The following RFPL2 variants were observed in gnomAD, a reference collection of about 807,000 sequenced individuals.
The protein encoded by RFPL2 is ret finger protein-like 2.
In RFPL2, 13 loss-of-function variants were observed where a neutral mutation model predicts 17.8. The observed-to-expected ratio is 0.73, with a 90% confidence interval of 0.47 to 1.16. RFPL2 has a LOEUF of 1.16. RFPL2 is among the 50% of genes most tolerant of loss of function. The pLI is 0.00. For missense variants in RFPL2, 431 were observed against 479.3 expected (o/e 0.90, Z 0.94); for synonymous variants, 189 against 180.9 (o/e 1.04, Z -0.36).
At chr22:32,202,172 T>TC (rs1923983371) in intron 2 of RFPL2, among the ~76,000 whole-genome samples, 161 bp downstream of exon 2, 1 of 151,874 alleles carries the variant, frequency 6.6e-6, no homozygotes, top group Non-Finnish European at 1.5e-5. Flanking sequence ...TGATCTTCTC[T>TC]CCCCCCACTT....
At chr22:32,191,550 A>T (rs1922656364) in intron 4 of RFPL2, among the ~76,000 whole-genome samples, 198 bp from the exon 5 acceptor site, 4 of 152,184 alleles carry the variant, frequency 2.6e-5, no homozygotes, top group Admixed American at 2.6e-4. Context: ...CCTGACCCTT[A>T]TTCACAGTAG....
intron 2 of RFPL2, among the ~76,000 whole-genome samples, chr22:32,197,554 CCT>C (rs1490048037): frequency 6.6e-6 from 1 of 152,140 alleles, no homozygotes; most frequent in East Asian, 1.9e-4. Context: ...CTATCCCTCC[CCT>C]GTCCCCCCAT....
intron 2 of RFPL2, 97 bp downstream of exon 2, chr22:32,202,236 A>G (rs1923992161): frequency 1.4e-6 from 2 of 1,451,574 alleles, no homozygotes; most frequent in Non-Finnish European, 1.9e-6. Context: ...CCATCCCCAC[A>G]TCTCCTCCTC....
At chr22:32,196,483 AG>A (rs1227472143) in intron 2 of RFPL2, among the ~76,000 whole-genome samples, 1 of 152,218 alleles carries the variant, frequency 6.6e-6, no homozygotes, top group East Asian at 1.9e-4. Context: ...GTAGGGAGCC[AG>A]GTTAACTTTA....
chr22:32,191,125 C>G lies in RFPL2; in HGVS notation c.784G>C (p.Val262Leu), dbSNP rs200660747. ...EWDLGVCRES[V>L]HRKGRIQLTT... Reference sequence around the variant, plus strand: ...AGCTGGATCCTCCCTTTGCGGTGAACAGATTCTCTGCAGACTCCCAGGTCC... The same window carrying G: ...AGCTGGATCCTCCCTTTGCGGTGAAGAGATTCTCTGCAGACTCCCAGGTCC... Residue 262 changes from valine (V) to leucine (L), a missense_variant, in exon 5 of 5, where the codon GTT (valine) becomes CTT (leucine). Coordinates refer to ENST00000652607, the MANE Select transcript of RFPL2 (RefSeq NM_001394555.1). The G allele has an allele frequency of 7.3e-4, 1,179 of 1,613,990 alleles. 2 individuals carry two copies. Among genetic ancestry groups the G allele is most frequent in the Non-Finnish European group, 9.5e-4 (1,116 of 1,179,872 alleles).
In RFPL2 at chr22:32,203,696, C is replaced by T. The variant is rs140438342; in HGVS notation, c.-100+1011G>A. ...CAGCCCCCAGCCATGGGGAGTGATG[C>T]CTCGGATAACACACCCAACAAGTTC... is the stretch of plus-strand genomic sequence containing the variant. On this transcript the variant is annotated intron_variant, in intron 1 of 4. Transcript: ENST00000652607. Among the ~76,000 whole-genome samples the T allele has an allele frequency of 3.3e-3, 497 of 148,706 alleles. 2 individuals carry two copies. Among genetic ancestry groups the T allele is most frequent in the African/African-American group, 0.012 (475 of 39,314 alleles).
chr22:32,191,075 A>G lies in RFPL2; in HGVS notation c.834T>C (p.Thr278=), dbSNP rs372354150. The G allele has an allele frequency of 2.2e-5, 35 of 1,613,984 alleles. No homozygotes were observed. In the African/African-American group the frequency reaches 3.7e-4, roughly 17 times the overall value. The change falls in exon 5 of 5, where the codon ACT becomes ACC. Residue 278 remains threonine, a synonymous_variant. Transcript: ENST00000652607. The part of the protein sequence containing the change: ...IQLTTELGFW[T]VSLRDGGRLS... The stretch of plus-strand genomic sequence containing the variant: ...GGCGGCCTCCATCCCTCAAACTCAC[A>G]GTCCAGAATCCAAGCTCTGTGGTCA...
At chr22:32,202,732 G>C in intron 1 of RFPL2, 182 bp from the exon 2 acceptor site, 1 of 1,197,726 alleles carries the variant, frequency 8.3e-7, no homozygotes, top group African/African-American at 1.5e-5. Flanking sequence ...CAGTGCCCGG[G>C]CTTCCCACTC....
intron 2 of RFPL2, chr22:32,200,074 T>C (rs994567223): frequency 1.1e-5 from 5 of 441,628 alleles, no homozygotes; most frequent in South Asian, 3.5e-5. Flanking sequence ...ACCCAGGGTA[T>C]GGAAGTCACC....
At position 32,191,275 on chromosome 22, in the gene RFPL2, G is replaced by A. The variant is rs771753433; in HGVS notation, c.634C>T (p.Arg212Cys). ...SDDLRSVRSG[R>C]IRQNRQDLAE... is the part of the protein sequence containing the mutation. The stretch of plus-strand genomic sequence containing the variant: ...AGGTCTTGCCGATTCTGTCTGATGC[G>A]CCCACTTCGGACGCTCCTGAGGTCG... The change falls in exon 5 of 5, where the codon CGC (arginine) becomes TGC (cysteine). Residue 212 changes from arginine (R) to cysteine (C), a missense_variant. Physicochemically the swap from Arg to Cys is radical, Grantham distance 180. Coordinates refer to ENST00000652607, the MANE Select transcript of RFPL2 (RefSeq NM_001394555.1). 87 of 1,613,808 alleles carry A rather than the reference G, an allele frequency of 5.4e-5. No homozygotes were observed. The East Asian group carries it at 1.5e-3, about 28-fold the overall frequency.
At chr22:32,198,712 G>A (rs182582867) in intron 2 of RFPL2, among the ~76,000 whole-genome samples, 3 of 151,948 alleles carry the variant, frequency 2.0e-5, no homozygotes, top group African/African-American at 4.8e-5. Context: ...GGAGGAGCCC[G>A]GGCCCTGGGC....
At chr22:32,199,866 G>A in intron 2 of RFPL2, 5 of 416,120 alleles carry the variant, frequency 1.2e-5, no homozygotes, top group South Asian at 7.6e-5. Context: ...GAGGTCAGGG[G>A]GCTCCCAGGT....
chr22:32,204,791 G>C lies in RFPL2; in HGVS notation c.-184C>G, dbSNP rs1326056375. Reference sequence around the variant, plus strand: ...CCCCCCACAGACCGAGGTTATGCAAGTAAGGTTTCTGGACTACATGTTCAG... The same window carrying C: ...CCCCCCACAGACCGAGGTTATGCAACTAAGGTTTCTGGACTACATGTTCAG... On this transcript the variant is annotated 5_prime_UTR_variant, in exon 1 of 5. Transcript: ENST00000652607. 6.6e-6 allele frequency among the ~76,000 whole-genome samples: 1 copy of C among 152,234 alleles called. No individual in the cohort carries two copies. Among genetic ancestry groups the C allele is most frequent in the Non-Finnish European group, 1.5e-5 (1 of 68,050 alleles).
Position 32,191,138 on chromosome 22 carries a change from G to C in RFPL2, c.771C>G (p.Val257=), listed in dbSNP as rs1310716285. Residue 257 remains valine (V), a synonymous_variant, in exon 5 of 5, where the codon GTC becomes GTG. Transcript: ENST00000652607. ...VGTSTEWDLG[V]CRESVHRKGR... is the part of the protein sequence containing the mutation. Reference sequence around the variant, plus strand: ...CTTTGCGGTGAACAGATTCTCTGCAGACTCCCAGGTCCCATTCTGTGCTTG... The same window carrying C: ...CTTTGCGGTGAACAGATTCTCTGCACACTCCCAGGTCCCATTCTGTGCTTG... 4 of 1,613,948 alleles carry C rather than the reference G, an allele frequency of 2.5e-6. No homozygotes were observed. The highest frequency in any genetic ancestry group is 3.4e-6 in the Non-Finnish European group (4 of 1,179,878).
chr22:32,201,660 C>T (rs1489497287), intron 2 of RFPL2, among the ~76,000 whole-genome samples: 1 of 152,164 alleles, frequency 6.6e-6, no homozygotes, highest in African/African-American at 2.4e-5. Flanking sequence ...AACCAGGTCC[C>T]ACATCAGGAC....
intron 1 of RFPL2, chr22:32,203,567 C>T (rs1737377601): frequency 6.6e-6 from 1 of 151,646 alleles, no homozygotes; most frequent in Admixed American, 6.6e-5. Flanking sequence ...CCCCACATAG[C>T]ATCCAACCCG....
At chr22:32,197,196 C>T (rs1002632089) in intron 2 of RFPL2, among the ~76,000 whole-genome samples, 1 of 152,166 alleles carries the variant, frequency 6.6e-6, no homozygotes, top group Non-Finnish European at 1.5e-5. Context: ...AGTGGCTCTG[C>T]AGCAGAAATC....
chr22:32,194,077 A>T (rs1923046696), intron 3 of RFPL2, among the ~76,000 whole-genome samples: 1 of 94,552 alleles, frequency 1.1e-5, no homozygotes, highest in African/African-American at 9.8e-5. Context: ...AACAGAGTTA[A>T]GACCCGTCTC....
Position 32,190,765 on chromosome 22 carries a change from T to C in RFPL2, c.*7A>G, listed in dbSNP as rs1368412880. 1 of 1,500,076 alleles carries C rather than the reference T, an allele frequency of 6.7e-7. No homozygotes were observed. Among genetic ancestry groups the C allele is most frequent in the South Asian group, 1.4e-5 (1 of 70,330 alleles). The allele number at this position is 1,500,076 out of a possible 1,614,324, so 92.9% of individuals were successfully genotyped here. ...TACCCTGTTTTTTGTTTTTTTGGAGTGAGGGCTTATTTGGCCTCCCCAGGA... is the reference window on the plus strand; with the variant it reads ...TACCCTGTTTTTTGTTTTTTTGGAGCGAGGGCTTATTTGGCCTCCCCAGGA... On this transcript the variant is annotated 3_prime_UTR_variant, in exon 5 of 5. Transcript: ENST00000652607.
Sources: allele counts gnomAD v4.1 joint callset (sites outside exome capture counted in the v4.1 genomes callset), GRCh38; gene constraint gnomAD v4.1.1; transcripts MANE v1.5; gene names NCBI Gene and HGNC (gene_info 2026-07-23, HGNC 2026-07-21).